CCDC102B: variants seen among roughly 807,000 people sequenced by gnomAD.
CCDC102B encodes the protein coiled-coil domain-containing protein 102B.
Under a neutral mutation model 57.4 loss-of-function variants are expected in CCDC102B, and 75 were observed. The observed-to-expected ratio is 1.31, with a 90% CI of 1.08 to 1.58. The LOEUF (loss-of-function observed/expected upper bound fraction) is 1.58, where lower values mean the gene tolerates loss of function less well. CCDC102B is among the 40% of genes most tolerant of loss of function. The probability of loss-of-function intolerance (pLI) is 0.00; values close to 1 mark genes in which losing one functional copy is unlikely to be tolerated. For missense variants in CCDC102B, 636 were observed against 582.6 expected, an observed-to-expected ratio of 1.09 and a Z score of -0.94; for synonymous variants, 206 against 201.9, an observed-to-expected ratio of 1.02 and a Z score of -0.17.
chr18:68,716,049 CA>C (rs1221306488), intron 1 of CCDC102B, among the ~76,000 whole-genome samples: 2 of 152,132 alleles, frequency 1.3e-5, no homozygotes, highest in East Asian at 3.8e-4. Flanking sequence ...CCCCTTTGTG[CA>C]TGCAGCATGG....
chr18:68,983,886 G>A (rs1260545227), intron 6 of CCDC102B, among the ~76,000 whole-genome samples: 1 of 151,832 alleles, frequency 6.6e-6, no homozygotes, highest in Non-Finnish European at 1.5e-5. Flanking sequence ...GTTTAAAGGA[G>A]TGAAAAAATG....
intron 6 of CCDC102B, among the ~76,000 whole-genome samples, chr18:68,976,697 A>G (rs1371322568): frequency 6.6e-6 from 1 of 152,008 alleles, no homozygotes; most frequent in East Asian, 1.9e-4. Flanking sequence ...TAAACCCATC[A>G]TATGTCTATT....
intron 6 of CCDC102B, among the ~76,000 whole-genome samples, chr18:68,915,398 T>A (rs1275715452): frequency 6.6e-6 from 1 of 152,262 alleles, no homozygotes; most frequent in Non-Finnish European, 1.5e-5. Flanking sequence ...CCAGATAGAA[T>A]GAATTCATTT....
At chr18:68,818,008 G>A (rs1384554041) in intron 1 of CCDC102B, among the ~76,000 whole-genome samples, 3 of 152,100 alleles carry the variant, frequency 2.0e-5, no homozygotes, top group Admixed American at 2.0e-4. Flanking sequence ...CATTATATAT[G>A]TTATATATAC....
chr18:68,930,794 C>T (rs1375592376), intron 6 of CCDC102B, among the ~76,000 whole-genome samples: 1 of 151,772 alleles, frequency 6.6e-6, no homozygotes, highest in Non-Finnish European at 1.5e-5. Context: ...TCAATAGGCT[C>T]TATGGTTACT....
chr18:68,766,448 A>C (rs539635874), intron 2 of CCDC102B, among the ~76,000 whole-genome samples: 4 of 152,298 alleles, frequency 2.6e-5, no homozygotes, highest in Admixed American at 6.5e-5. Flanking sequence ...AAGAAGTGGA[A>C]ATTCTTACCC....
chr18:68,911,023 G>A (rs2040824585), intron 6 of CCDC102B, among the ~76,000 whole-genome samples: 1 of 152,112 alleles, frequency 6.6e-6, no homozygotes, highest in East Asian at 1.9e-4. Context: ...GGAAAGCAGT[G>A]TGGTGATTCC....
intron 2 of CCDC102B, among the ~76,000 whole-genome samples, chr18:68,726,379 G>T (rs2032595650): frequency 6.6e-6 from 1 of 152,142 alleles, no homozygotes; most frequent in South Asian, 2.1e-4. Context: ...CCTTAATTAA[G>T]GAAATGTTAC....
At chr18:68,854,122 C>T (rs980718441) in intron 4 of CCDC102B, among the ~76,000 whole-genome samples, 2 of 150,018 alleles carry the variant, frequency 1.3e-5, no homozygotes, top group Admixed American at 6.6e-5. Flanking sequence ...ATTTTTGAGA[C>T]GGAGTTCCGC....
Position 68,878,518 on chromosome 18 carries a change from A to G in CCDC102B, c.1053+3733A>G, listed in dbSNP as rs192564251. Reference sequence around the variant, plus strand: ...CTTCCAAGGTGAAATCAACTCCTTTAGGAGTTGATTAAGTTATGAGGGCAA... The same window carrying G: ...CTTCCAAGGTGAAATCAACTCCTTTGGGAGTTGATTAAGTTATGAGGGCAA... On this transcript the variant is annotated intron_variant, in intron 5 of 7. Transcript: ENST00000360242. Among the ~76,000 whole-genome samples, 579 of 152,230 alleles carry G rather than the reference A, an allele frequency of 3.8e-3. 6 individuals are homozygous for G. Among genetic ancestry groups the G allele is most frequent in the Non-Finnish European group, 2.6e-3 (177 of 68,012 alleles).
chr18:68,998,374 TATAC>T (rs747771369), intron 6 of CCDC102B, among the ~76,000 whole-genome samples: 25 of 138,952 alleles, frequency 1.8e-4, no homozygotes, highest in Non-Finnish European at 3.1e-4. Context: ...TCTACATATG[TATAC>T]ATACATCTAC....
chr18:68,795,325 T>C (rs543301028), upstream of CCDC102B, among the ~76,000 whole-genome samples: 18 of 152,276 alleles, frequency 1.2e-4, no homozygotes, highest in Non-Finnish European at 2.4e-4. Context: ...ACTTTGGAAA[T>C]ACAGATCTGA....
chr18:68,987,768 C>T (rs2050760972), intron 6 of CCDC102B, among the ~76,000 whole-genome samples: 1 of 151,150 alleles, frequency 6.6e-6, no homozygotes, highest in African/African-American at 2.5e-5. Context: ...AGAAAGCAAA[C>T]AAATGGCCAA....
intron 1 of CCDC102B, among the ~76,000 whole-genome samples, chr18:68,812,883 G>A (rs2144716816): frequency 6.6e-6 from 1 of 152,214 alleles, no homozygotes; most frequent in East Asian, 1.9e-4. Flanking sequence ...GCCTGAGAAG[G>A]GGGATATCCA....
chr18:68,851,251 G>T (rs1188463935), intron 4 of CCDC102B, among the ~76,000 whole-genome samples: 1 of 152,280 alleles, frequency 6.6e-6, no homozygotes, highest in African/African-American at 2.4e-5. Context: ...ATTAGTAAAT[G>T]AGTCTACTGC....
chr18:68,926,696 A>G (rs1439210562), intron 6 of CCDC102B, among the ~76,000 whole-genome samples: 5 of 151,924 alleles, frequency 3.3e-5, no homozygotes, highest in Non-Finnish European at 7.4e-5. Context: ...ATTAAAGTTC[A>G]TTATGTAATG....
intron 7 of CCDC102B, 27 bp downstream of exon 7, chr18:69,011,131 T>C (rs762803063): frequency 1.3e-6 from 2 of 1,595,240 alleles, no homozygotes; most frequent in East Asian, 4.5e-5. Context: ...GAACACGTGC[T>C]GGACAGCTTC....
intron 4 of CCDC102B, among the ~76,000 whole-genome samples, chr18:68,861,848 A>T (rs1402286487): frequency 6.6e-6 from 1 of 152,150 alleles, no homozygotes; most frequent in Non-Finnish European, 1.5e-5. Flanking sequence ...ATTTGTTGTG[A>T]TTCATTATCT....
chr18:69,055,592 T>C (rs186074752), downstream of CCDC102B, among the ~76,000 whole-genome samples: 86 of 152,126 alleles, frequency 5.7e-4, 1 homozygote, highest in African/African-American at 2.0e-3. Context: ...GAGAACCAAA[T>C]ACAGTTTGGA....
Sources: allele counts gnomAD v4.1 joint callset (sites outside exome capture counted in the v4.1 genomes callset), GRCh38; gene constraint gnomAD v4.1.1; transcripts MANE v1.5; gene names NCBI Gene and HGNC (gene_info 2026-07-23, HGNC 2026-07-21).